CCSER2: variants seen among roughly 807,000 people sequenced by gnomAD.
CCSER2 encodes the protein coiled-coil serine rich protein 2, also known as serine-rich coiled-coil domain-containing protein 2.
Under a neutral mutation model 92.3 loss-of-function variants are expected in CCSER2, and 46 were observed. The observed-to-expected ratio is 0.50, with a 90% CI of 0.39 to 0.64. The LOEUF is 0.64. Among genes scored for constraint, CCSER2 ranks in the 30% least tolerant of loss-of-function variants. The pLI is 0.00. For missense variants in CCSER2, 1,244 were observed against 1,238.9 expected, an observed-to-expected ratio of 1.00 and a Z score of -0.06; for synonymous variants, 433 against 431.4, an observed-to-expected ratio of 1.00 and a Z score of -0.04.
chr10:84,377,740 A>C (rs576060349), intron 3 of CCSER2, among the ~76,000 whole-genome samples: 1 of 152,306 alleles, frequency 6.6e-6, no homozygotes, highest in South Asian at 2.1e-4. Flanking sequence ...CATATTTATG[A>C]TGGAGATATA....
rs760616279 is a variant in CCSER2 at position 84,515,983 on chromosome 10, A to G, written c.*1716A>G. On this transcript the variant is annotated 3_prime_UTR_variant, in exon 10 of 10. Transcript: ENST00000372088. ...CTGCAGCTGCTTTAAATGAATTAGT[A>G]TCTTTCAGATAGATAACCTTACAAG... 22 of 152,198 alleles carry G rather than the reference A, an allele frequency of 1.4e-4. No homozygotes were observed. Among genetic ancestry groups the G allele is most frequent in the Non-Finnish European group, 2.8e-4 (19 of 68,036 alleles). The allele number at this position is 152,198 out of a possible 1,614,324, so 9.4% of individuals were successfully genotyped here.
At chr10:84,438,261 A>G (rs1259081347) in intron 5 of CCSER2, among the ~76,000 whole-genome samples, 2 of 152,218 alleles carry the variant, frequency 1.3e-5, no homozygotes, top group Non-Finnish European at 2.9e-5. Flanking sequence ...TCCGGTGCCT[A>G]AAGAAGGTTT....
intron 3 of CCSER2, among the ~76,000 whole-genome samples, chr10:84,405,031 T>C (rs1174714644): frequency 6.6e-6 from 1 of 152,140 alleles, no homozygotes; most frequent in Non-Finnish European, 1.5e-5. Context: ...ATATGTTTTG[T>C]TGGAAAAAGC....
At chr10:84,449,715 G>A (rs186055844) in intron 6 of CCSER2, among the ~76,000 whole-genome samples, 168 of 152,150 alleles carry the variant, frequency 1.1e-3, no homozygotes, top group Non-Finnish European at 1.8e-3. Flanking sequence ...TTAGCTGAGC[G>A]TGGTGGCGCA....
chr10:84,370,792 T>C (rs1846019884), intron 1 of CCSER2, among the ~76,000 whole-genome samples: 1 of 152,206 alleles, frequency 6.6e-6, no homozygotes, highest in African/African-American at 2.4e-5. Context: ...CTGTCATTCA[T>C]AGCATACATT....
chr10:84,501,834 A>ATATATATATATAT (rs1554868294), intron 9 of CCSER2, among the ~76,000 whole-genome samples: 2 of 40,146 alleles, frequency 5.0e-5, no homozygotes, highest in Non-Finnish European at 8.1e-5. Flanking sequence ...AAAAAAAAAA[A>ATATATATATATAT]ATATATATAT....
intron 3 of CCSER2, among the ~76,000 whole-genome samples, chr10:84,383,261 G>T (rs990670576): frequency 6.6e-6 from 1 of 151,976 alleles, no homozygotes. Flanking sequence ...CTTCGCTTGG[G>T]TTATTTAACT....
intron 1 of CCSER2, among the ~76,000 whole-genome samples, chr10:84,334,817 AT>A (rs1843743571): frequency 6.6e-6 from 1 of 151,958 alleles, no homozygotes. Context: ...TTTGCTATTG[AT>A]TTTTTTCTAC....
chr10:84,332,428 A>ATTTTTTTTTTTT (rs1345431200), intron 1 of CCSER2, among the ~76,000 whole-genome samples: 2 of 77,348 alleles, frequency 2.6e-5, no homozygotes, highest in East Asian at 3.8e-4. Context: ...ATATATATAT[A>ATTTTTTTTTTTT]TATATATATT....
At chr10:84,391,949 TGGATTTAAAAATCAAGTA>T in intron 3 of CCSER2, 1 of 1,369,840 alleles carries the variant, frequency 7.3e-7, no homozygotes, top group Non-Finnish European at 1.0e-6. Context: ...AGATCCTTCA[TGGATTTAAAAATCAAGTA>T]GGCGATAAAA....
At position 84,373,741 on chromosome 10, in the gene CCSER2, G is replaced by A; in HGVS notation, c.1540G>A (p.Asp514Asn). 1 of 1,613,792 alleles carries A rather than the reference G, an allele frequency of 6.2e-7. No individual in the cohort carries two copies. ...SDSSDGTYMW[D>N]EEGLEPIGNV... is the part of the protein sequence containing the mutation. ...TAGCTCTGATGGAACATACATGTGGGATGAAGAAGGCTTGGAACCCATTGG... is the reference window on the plus strand; with the variant it reads ...TAGCTCTGATGGAACATACATGTGGAATGAAGAAGGCTTGGAACCCATTGG... The change falls in exon 3 of 10, where the codon GAT becomes AAT. Residue 514 changes from aspartate (D) to asparagine (N), a missense_variant. By Grantham distance (23) the Asp-to-Asn change is conservative. Coordinates refer to ENST00000372088, the MANE Select transcript of CCSER2 (RefSeq NM_001284240.2).
At position 84,371,856 on chromosome 10, in the gene CCSER2, T is replaced by C. The variant is rs749223409; in HGVS notation, c.804T>C (p.Ser268=). 5 of 1,613,760 alleles carry C rather than the reference T, an allele frequency of 3.1e-6. No homozygotes were observed. Among genetic ancestry groups the C allele is most frequent in the Non-Finnish European group, 4.2e-6 (5 of 1,179,866 alleles). ...QLSIRVPLRS[S]MLTRNSRQPE... is the part of the protein sequence containing the mutation. The stretch of plus-strand genomic sequence containing the variant: ...CCATTAGAGTGCCTCTACGGTCAAG[T>C]ATGCTAACAAGAAATTCCCGGCAGC... The change falls in exon 2 of 10, where the codon AGT becomes AGC. Residue 268 remains serine (S), a synonymous_variant. Coordinates refer to ENST00000372088, the MANE Select transcript of CCSER2 (RefSeq NM_001284240.2).
intron 6 of CCSER2, among the ~76,000 whole-genome samples, chr10:84,457,301 AATATGTTATATATAATATATTATATAT>A (rs1845744419): frequency 1.9e-5 from 1 of 53,374 alleles, no homozygotes; most frequent in Non-Finnish European, 3.3e-5. Flanking sequence ...TATTATATAT[AATATGTTATATATAATATATTATATAT>A]AATATATTAT....
intron 3 of CCSER2, among the ~76,000 whole-genome samples, chr10:84,377,420 C>T (rs1329940317): frequency 1.3e-5 from 2 of 152,198 alleles, no homozygotes; most frequent in Admixed American, 6.5e-5. Context: ...CATCTTTCCC[C>T]CACTGTACTT....
chr10:84,343,622 G>T (rs138995498), intron 1 of CCSER2, among the ~76,000 whole-genome samples: 65 of 152,284 alleles, frequency 4.3e-4, no homozygotes, highest in Non-Finnish European at 6.9e-4. Flanking sequence ...ATCTCAATTA[G>T]ATGATGTTGT....
At chr10:84,347,854 G>C (rs572056077) in intron 1 of CCSER2, among the ~76,000 whole-genome samples, 3 of 151,940 alleles carry the variant, frequency 2.0e-5, no homozygotes. Flanking sequence ...CATCCCAGAC[G>C]GGGCGGCGGG....
At chr10:84,367,696 T>G (rs1010962054) in intron 1 of CCSER2, among the ~76,000 whole-genome samples, 3 of 150,222 alleles carry the variant, frequency 2.0e-5, no homozygotes, top group East Asian at 2.0e-4. Context: ...AGTCTTTGCT[T>G]CTTTTCCTTG....
At chr10:84,460,413 C>G (rs1589728972) in intron 6 of CCSER2, among the ~76,000 whole-genome samples, 2 of 151,906 alleles carry the variant, frequency 1.3e-5, no homozygotes, top group South Asian at 4.2e-4. Flanking sequence ...CTTCTGCATC[C>G]TTATACATGA....
intron 1 of CCSER2, among the ~76,000 whole-genome samples, chr10:84,344,828 C>A (rs1489783557): frequency 6.6e-6 from 1 of 152,128 alleles, no homozygotes; most frequent in South Asian, 2.1e-4. Context: ...AGCCGCAATT[C>A]GAAGGCTTGG....
Sources: gnomAD v4.1 joint callset for allele counts (sites outside exome capture counted in the v4.1 genomes callset) on GRCh38, gnomAD v4.1.1 for gene constraint, MANE v1.5 for transcripts, NCBI Gene and HGNC (gene_info 2026-07-23, HGNC 2026-07-21) for gene names.